The following AXL variants were observed in gnomAD, a reference collection of about 807,000 sequenced individuals.
AXL encodes the protein tyrosine-protein kinase receptor UFO.
Under a neutral mutation model 104.5 loss-of-function variants are expected in AXL, and 52 were observed. That is an observed-to-expected ratio of 0.50 (90% CI 0.40 to 0.63). AXL has a LOEUF of 0.63. Among genes scored for constraint, AXL ranks in the 20% least tolerant of loss-of-function variants. The pLI is 0.00. For synonymous variants in AXL, 455 were observed against 473.7 expected, an observed-to-expected ratio of 0.96 and a Z score of 0.51; for missense variants, 1,024 against 1,188.5, an observed-to-expected ratio of 0.86 and a Z score of 2.04.
At chr19:41,226,373 G>A (rs971029965) in intron 4 of AXL, among the ~76,000 whole-genome samples, 1 of 152,186 alleles carries the variant, frequency 6.6e-6, no homozygotes, top group African/African-American at 2.4e-5. Flanking sequence ...CCGCCCGCCC[G>A]GGACTGTACT....
At chr19:41,246,831 CACT>C in intron 12 of AXL, among the ~76,000 whole-genome samples, 1 of 151,940 alleles carries the variant, frequency 6.6e-6, no homozygotes, top group Non-Finnish European at 1.5e-5. Context: ...CTGGGTGAAC[CACT>C]GTGAACCACT....
At position 41,250,099 on chromosome 19, in the gene AXL, A is replaced by G. The variant is rs548760404; in HGVS notation, c.1711+1279A>G. On this transcript the variant is annotated intron_variant, in intron 14 of 19. Transcript: ENST00000301178. ...AGCCTCCCACCTGTCATCTGGAAAA[A>G]AGGACCCTAATGTCCCCACCTTCCA... Among the ~76,000 whole-genome samples the G allele has an allele frequency of 4.6e-5, 7 of 152,324 alleles. No homozygotes were observed. In the East Asian group the frequency reaches 1.4e-3, roughly 29 times the overall value.
In AXL at chr19:41,221,919, T is replaced by C. The variant is rs200505600; in HGVS notation, c.449T>C (p.Val150Ala). 1.3e-4 allele frequency: 205 copies of C among 1,613,672 alleles called. No homozygotes were observed. In the East Asian group the frequency reaches 4.4e-3, roughly 35 times the overall value. The change falls in exon 4 of 20, where the codon GTG (valine) becomes GCG (alanine). Residue 150 changes from valine (V) to alanine (A), a missense_variant. Around this residue, in one of 5 missense-constraint regions of AXL, gnomAD observed 332 missense variants for 343.9 expected, o/e 0.97. Transcript: ENST00000301178. Reference sequence around the variant, plus strand: ...CTGGAGGAGCCCGAAGACAGGACTGTGGCCGCCAACACCCCCTTCAACCTG... The same window carrying C: ...CTGGAGGAGCCCGAAGACAGGACTGCGGCCGCCAACACCCCCTTCAACCTG... ...YFLEEPEDRT[V>A]AANTPFNLSC...
At chr19:41,252,730 C>A (rs1246253920) in intron 15 of AXL, 116 bp from the exon 16 acceptor site, 2 of 1,538,912 alleles carry the variant, frequency 1.3e-6, no homozygotes, top group Non-Finnish European at 1.8e-6. Context: ...TACCCCCAAA[C>A]AATATGGTGG....
Position 41,257,588 on chromosome 19 carries a change from G to C in AXL, c.2292G>C (p.Gln764His). ...ENSEIYDYLR[Q>H]GNRLKQPADC... Reference sequence around the variant, plus strand: ...GCGAGATTTATGACTATCTGCGCCAGGGAAATCGCCTGAAGCAGCCTGCGG... The same window carrying C: ...GCGAGATTTATGACTATCTGCGCCACGGAAATCGCCTGAAGCAGCCTGCGG... Residue 764 changes from glutamine to histidine, a missense_variant, in exon 19 of 20, where the codon CAG becomes CAC. By Grantham distance (24) the Gln-to-His change is conservative. Around this residue, in one of 5 missense-constraint regions of AXL, gnomAD observed 523 missense variants for 636.0 expected, o/e 0.82. Coordinates refer to ENST00000301178, the MANE Select transcript of AXL (RefSeq NM_021913.5). 1.2e-6 allele frequency: 2 copies of C among 1,614,192 alleles called. No individual in the cohort carries two copies. Among genetic ancestry groups the C allele is most frequent in the South Asian group, 1.1e-5 (1 of 91,086 alleles).
chr19:41,259,425 G>A (rs746841173), intron 19 of AXL, 128 bp from the exon 20 acceptor site: 2 of 766,036 alleles, frequency 2.6e-6, no homozygotes, highest in Non-Finnish European at 4.1e-6. Context: ...GCCTCAAACT[G>A]CTGAGGCTCC....
rs766830170 is a variant in AXL at position 41,238,573 on chromosome 19, G to A, written c.1098G>A (p.Gly366=). The change falls in exon 8 of 20, where the codon GGG becomes GGA. Residue 366 remains glycine (G), a synonymous_variant. Transcript: ENST00000301178. ...PRAPLQGTLL[G]YRLAYQGQDT... is the part of the protein sequence containing the mutation. ...CGCCCCTGCAGGGTACCCTGTTAGG[G>A]TACCGGCTGGCGTATCAAGGCCAGG... The A allele has an allele frequency of 1.2e-6, 2 of 1,613,272 alleles. No homozygotes were observed. Among genetic ancestry groups the A allele is most frequent in the Admixed American group, 1.7e-5 (1 of 59,914 alleles).
In AXL at chr19:41,239,309, G is replaced by A. The variant is rs750029623; in HGVS notation, c.1280G>A (p.Arg427His). The A allele has an allele frequency of 1.3e-5, 20 of 1,573,536 alleles. No individual in the cohort carries two copies. Among genetic ancestry groups the A allele is most frequent in the African/African-American group, 5.4e-5 (4 of 73,642 alleles). The change falls in exon 9 of 20, where the codon CGC (arginine) becomes CAC (histidine). Residue 427 changes from arginine (R) to histidine (H), a missense_variant. Arg to His is a conservative substitution (Grantham distance 29). This residue lies in a region of AXL where 523 missense variants were observed against 636.0 expected (regional missense o/e 0.82). Transcript: ENST00000301178. The part of the protein sequence containing the change: ...WSLPVPLEAW[R>H]PGQAQPVHQL... ...CTCCCAGTACCCCTGGAGGCCTGGC[G>A]CCCAGGTAAGTCCAAAGCCATGCCC... is the stretch of plus-strand genomic sequence containing the variant.
chr19:41,253,770 T>G lies in AXL; in HGVS notation c.2036+62T>G. The G allele has an allele frequency of 4.6e-6, 6 of 1,302,498 alleles. 1 individual carries two copies. Among genetic ancestry groups the G allele is most frequent in the Non-Finnish European group, 5.5e-6 (5 of 912,414 alleles). 80.7% of individuals were successfully genotyped at this position (1,302,498 alleles called of 1,614,324 possible). On this transcript the variant is annotated intron_variant, in intron 17 of 19. Coordinates refer to ENST00000301178, the MANE Select transcript of AXL (RefSeq NM_021913.5). ...TCCTGCACTCCCTGAGGGAGTTCCC[T>G]CCCTCCTTCTTAGGATGGAAGCAGG...
chr19:41,219,255 A>G lies in AXL; in HGVS notation c.-138A>G, dbSNP rs1247976712. 1 of 776,252 alleles carries G rather than the reference A, an allele frequency of 1.3e-6. No homozygotes were observed. Among genetic ancestry groups the G allele is most frequent in the Non-Finnish European group, 2.0e-6 (1 of 488,044 alleles). The allele number at this position is 776,252 out of a possible 1,614,324, so 48.1% of individuals were successfully genotyped here. A position where few individuals can be genotyped will look rare whatever the true frequency, so the allele number is the denominator to read the frequency against. On this transcript the variant is annotated 5_prime_UTR_variant, in exon 1 of 20. Coordinates refer to ENST00000301178, the MANE Select transcript of AXL (RefSeq NM_021913.5). ...CGGCTGCTGGGCAGAGCCGGTGGCA[A>G]GGGCCTCCCCTGCCGCTGTGCCAGG...
chr19:41,243,637 G>A lies in AXL; in HGVS notation c.1467G>A (p.Val489=), dbSNP rs2034221899. Reference sequence around the variant, plus strand: ...CCAGAGAAGTGTTTGAACCAACAGTGGAAAGAGGTGAACTGGTAGTCAGGT... The same window carrying A: ...CCAGAGAAGTGTTTGAACCAACAGTAGAAAGAGGTGAACTGGTAGTCAGGT... ...TRYGEVFEPT[V]ERGELVVRYR... The change falls in exon 12 of 20, where the codon GTG becomes GTA. Residue 489 remains valine, a synonymous_variant. Transcript: ENST00000301178. The A allele has an allele frequency of 1.2e-6, 2 of 1,614,088 alleles. No individual in the cohort carries two copies. The highest frequency in any genetic ancestry group is 1.7e-6 in the Non-Finnish European group (2 of 1,179,970).
chr19:41,239,594 C>A, intron 9 of AXL, 100 bp from the exon 10 acceptor site: 2 of 1,404,628 alleles, frequency 1.4e-6, no homozygotes, highest in South Asian at 1.3e-5. Flanking sequence ...CGTGCCACAC[C>A]CTCACTCCCT....
chr19:41,256,738 TC>T, intron 18 of AXL, 127 bp downstream of exon 18: 2 of 1,290,224 alleles, frequency 1.6e-6, no homozygotes, highest in Non-Finnish European at 2.2e-6. Context: ...CAGGGGCTTG[TC>T]CACATGGGCT....
At chr19:41,220,019 GTT>G (rs2033758379) in intron 1 of AXL, among the ~76,000 whole-genome samples, 3 of 151,772 alleles carry the variant, frequency 2.0e-5, no homozygotes, top group Admixed American at 2.0e-4. Context: ...GTGGGTCTCT[GTT>G]TCTCTCTCTT....
At chr19:41,239,093 T>G in intron 8 of AXL, 71 bp from the exon 9 acceptor site, 40 of 1,568,048 alleles carry the variant, frequency 2.6e-5, no homozygotes, top group Non-Finnish European at 3.2e-5. Context: ...GATGGGGCAT[T>G]GAGCCCGAGA....
intron 4 of AXL, 97 bp from the exon 5 acceptor site, chr19:41,230,870 C>G: frequency 7.6e-7 from 1 of 1,308,644 alleles, no homozygotes; most frequent in South Asian, 1.2e-5. Context: ...TGCACTGCCC[C>G]TGGTCAGGCA....
chr19:41,249,068 C>T (rs1471197218), intron 14 of AXL, among the ~76,000 whole-genome samples: 5 of 152,030 alleles, frequency 3.3e-5, no homozygotes, highest in African/African-American at 1.2e-4. Flanking sequence ...AGTCACTTCC[C>T]CCGCTAGGCC....
At chr19:41,251,225 G>T (rs915186484) in intron 14 of AXL, among the ~76,000 whole-genome samples, 3 of 151,952 alleles carry the variant, frequency 2.0e-5, no homozygotes, top group African/African-American at 7.2e-5. Context: ...ATCACTTGAG[G>T]CTGGGAGTTT....
intron 4 of AXL, among the ~76,000 whole-genome samples, chr19:41,222,910 GA>G (rs66609523): frequency 0.34 from 34,125 of 101,824 alleles, 4,187 homozygotes; most frequent in South Asian, 0.48. Flanking sequence ...CATCTCAAAA[GA>G]AAAAAAAAAA....
Sources: allele counts gnomAD v4.1 joint callset (sites outside exome capture counted in the v4.1 genomes callset), GRCh38; gene constraint gnomAD v4.1.1; regional missense constraint gnomAD v4.1.1; transcripts MANE v1.5; gene names NCBI Gene and HGNC (gene_info 2026-07-23, HGNC 2026-07-21).